WWOX: variants seen among roughly 807,000 people sequenced by gnomAD.
The protein encoded by WWOX is WW domain-containing oxidoreductase.
A neutral mutation model predicts 46.2 loss-of-function variants in WWOX; 69 were observed. That is an observed-to-expected ratio of 1.49 (90% CI 1.23 to 1.82). The LOEUF (loss-of-function observed/expected upper bound fraction) is 1.82, where lower values mean the gene tolerates loss of function less well. WWOX is among the 40% of genes most tolerant of loss of function. The pLI, the probability that WWOX is intolerant of heterozygous loss-of-function variation, is 0.00. For missense variants in WWOX, 919 were observed against 542.6 expected, an observed-to-expected ratio of 1.69 and a Z score of -6.89; for synonymous variants, 359 against 202.6, an observed-to-expected ratio of 1.77 and a Z score of -6.56.
intron 6 of WWOX, among the ~76,000 whole-genome samples, chr16:78,392,676 T>G (rs534272269): frequency 6.6e-6 from 1 of 152,190 alleles, no homozygotes; most frequent in East Asian, 1.9e-4. Context: ...CTCCTGAGTT[T>G]CCTGTGAAAG....
At position 78,546,881 on chromosome 16, in the gene WWOX, C is replaced by T. The variant is rs565020699; in HGVS notation, c.1056+114129C>T. On this transcript the variant is annotated intron_variant, in intron 8 of 8. Transcript: ENST00000566780. ...GTGGCTCATGCCCGTAATCTTAGCACTTTGGGAGGCTGAGGCGGGTGGATC... is the reference window on the plus strand; with the variant it reads ...GTGGCTCATGCCCGTAATCTTAGCATTTTGGGAGGCTGAGGCGGGTGGATC... Among the ~76,000 whole-genome samples, 3 of 152,216 alleles carry T rather than the reference C, an allele frequency of 2.0e-5. No individual in the cohort carries two copies. The South Asian group carries it at 6.2e-4, about 32-fold the overall frequency.
At chr16:78,387,368 C>G (rs528960589) in intron 6 of WWOX, among the ~76,000 whole-genome samples, 1 of 152,272 alleles carries the variant, frequency 6.6e-6, no homozygotes, top group Non-Finnish European at 1.5e-5. Context: ...CAAAAGACCT[C>G]TAGTTTCTAA....
intron 8 of WWOX, among the ~76,000 whole-genome samples, chr16:78,965,677 G>C (rs921705858): frequency 7.9e-5 from 12 of 152,026 alleles, no homozygotes; most frequent in Non-Finnish European, 1.5e-5. Flanking sequence ...ACTCAACCCA[G>C]TTCTGTCGTC....
At chr16:78,286,489 T>A (rs1210084590) in intron 5 of WWOX, among the ~76,000 whole-genome samples, 1 of 152,256 alleles carries the variant, frequency 6.6e-6, no homozygotes, top group East Asian at 1.9e-4. Context: ...CGATAAAAAT[T>A]ACATTTCTCT....
At chr16:78,435,442 G>C (rs2083313308) in intron 8 of WWOX, among the ~76,000 whole-genome samples, 1 of 152,208 alleles carries the variant, frequency 6.6e-6, no homozygotes, top group Non-Finnish European at 1.5e-5. Context: ...AGAAACAAAT[G>C]TCCTCTGGGA....
chr16:78,144,471 A>ATATATATATATATTTG (rs1555543080), intron 4 of WWOX, among the ~76,000 whole-genome samples: 1 of 33,578 alleles, frequency 3.0e-5, no homozygotes, highest in African/African-American at 1.6e-4. Flanking sequence ...ATACACACAT[A>ATATATATATATATTTG]TATATATATA....
At chr16:78,370,887 CA>C (rs2081663545) in intron 5 of WWOX, among the ~76,000 whole-genome samples, 1 of 145,794 alleles carries the variant, frequency 6.9e-6, no homozygotes, top group African/African-American at 2.5e-5. Flanking sequence ...GAGATGCATA[CA>C]AAATGGAAGA....
chr16:78,591,268 C>T (rs763958782), intron 8 of WWOX, among the ~76,000 whole-genome samples: 1 of 152,156 alleles, frequency 6.6e-6, no homozygotes, highest in Non-Finnish European at 1.5e-5. Context: ...GGAACCTTTC[C>T]CCAAAGCCCC....
intron 8 of WWOX, among the ~76,000 whole-genome samples, chr16:78,620,683 G>T (rs1597358821): frequency 7.6e-6 from 1 of 132,340 alleles, no homozygotes; most frequent in South Asian, 2.3e-4. Flanking sequence ...TTGATTTTCA[G>T]GAAATATGGT....
chr16:78,660,416 G>A (rs537523640), intron 8 of WWOX, among the ~76,000 whole-genome samples: 2 of 152,048 alleles, frequency 1.3e-5, no homozygotes, highest in South Asian at 4.2e-4. Flanking sequence ...GAGGTGGAAG[G>A]GGCCACTTAA....
intron 8 of WWOX, among the ~76,000 whole-genome samples, chr16:78,771,415 A>G (rs181597144): frequency 1.3e-5 from 2 of 152,278 alleles, no homozygotes; most frequent in African/African-American, 4.8e-5. Context: ...AGTTTTGGAG[A>G]TAGAAGTGAT....
At chr16:78,585,719 A>G (rs1466307697) in intron 8 of WWOX, among the ~76,000 whole-genome samples, 2 of 144,832 alleles carry the variant, frequency 1.4e-5, no homozygotes, top group African/African-American at 5.1e-5. Flanking sequence ...TTTTTGCCTA[A>G]TTTGTGCTTG....
At chr16:78,783,459 T>A (rs1284558167) in intron 8 of WWOX, among the ~76,000 whole-genome samples, 2 of 152,190 alleles carry the variant, frequency 1.3e-5, no homozygotes, top group Non-Finnish European at 2.9e-5. Context: ...TTATTTTATG[T>A]AAGCTCTTTC....
intron 8 of WWOX, among the ~76,000 whole-genome samples, chr16:79,046,723 C>A (rs1010233543): frequency 6.6e-6 from 1 of 152,168 alleles, no homozygotes; most frequent in Admixed American, 6.5e-5. Flanking sequence ...TGCAGCCATT[C>A]AGCTCCCACC....
chr16:78,702,811 G>A (rs2048252983), intron 8 of WWOX, among the ~76,000 whole-genome samples: 1 of 152,138 alleles, frequency 6.6e-6, no homozygotes, highest in African/African-American at 2.4e-5. Context: ...TCTGTGTGCT[G>A]CGGGTCGAGG....
intron 8 of WWOX, among the ~76,000 whole-genome samples, chr16:78,476,845 G>T (rs62034158): frequency 6.6e-6 from 1 of 152,038 alleles, no homozygotes; most frequent in African/African-American, 2.4e-5. Flanking sequence ...TGTTTTGTTC[G>T]TTTTTCTTTT....
intron 8 of WWOX, among the ~76,000 whole-genome samples, chr16:78,850,032 A>G (rs192781793): frequency 8.2e-4 from 124 of 152,114 alleles, no homozygotes; most frequent in Non-Finnish European, 1.4e-3. Context: ...AGACAATGCC[A>G]TTGCACTCCA....
At chr16:78,497,729 C>T (rs535334758) in intron 8 of WWOX, among the ~76,000 whole-genome samples, 2 of 152,186 alleles carry the variant, frequency 1.3e-5, no homozygotes, top group Admixed American at 6.5e-5. Context: ...TGTGGACTCT[C>T]AGCAGGACAT....
intron 8 of WWOX, among the ~76,000 whole-genome samples, chr16:78,989,949 G>A (rs1017506967): frequency 3.3e-5 from 5 of 151,646 alleles, no homozygotes; most frequent in South Asian, 2.1e-4. Context: ...TTGGGAGGCC[G>A]GGGCGAGCAA....
Sources: allele counts gnomAD v4.1 joint callset (sites outside exome capture counted in the v4.1 genomes callset), GRCh38; gene constraint gnomAD v4.1.1; transcripts MANE v1.5; gene names NCBI Gene and HGNC (gene_info 2026-07-23, HGNC 2026-07-21).